Variants in ZNF185 observed in about 807,000 individuals in gnomAD.
ZNF185 encodes the protein zinc finger protein 185 with LIM domain.
ZNF185 carries 56 observed loss-of-function variants against 58.6 expected under a neutral mutation model. The observed-to-expected ratio is 0.95, with a 90% CI of 0.77 to 1.19. ZNF185 has a LOEUF of 1.19. ZNF185 is among the 50% of genes most tolerant of loss of function. ZNF185 has a pLI of 0.00. For synonymous variants in ZNF185, 230 were observed against 215.9 expected (o/e 1.07, Z -0.57); for missense variants, 627 against 573.5 (o/e 1.09, Z -0.95).
intron 17 of ZNF185, among the ~76,000 whole-genome samples, chrX:152,960,770 G>A (rs1442666222): frequency 8.9e-6 from 1 of 112,672 alleles, no homozygotes; most frequent in African/African-American, 3.2e-5. Flanking sequence ...GAAAACTGGA[G>A]TTGTTGAACT....
chrX:152,936,949 C>T (rs1556882371), intron 14 of ZNF185, among the ~76,000 whole-genome samples: 2 of 111,224 alleles, frequency 1.8e-5, no homozygotes, highest in Admixed American at 1.9e-4. Flanking sequence ...CTGGGATGGG[C>T]AAAAATGGCT....
At chrX:152,939,370 G>A (rs1021634870) in intron 15 of ZNF185, among the ~76,000 whole-genome samples, 1 of 112,091 alleles carries the variant, frequency 8.9e-6, no homozygotes, top group Non-Finnish European at 1.9e-5. Flanking sequence ...CCAGCAACTT[G>A]TGAGATGGGT....
Position 152,915,131 on chromosome X carries a change from C to G in ZNF185, c.159-7C>G. 8.3e-7 allele frequency: 1 copy of G among 1,209,443 alleles called. No homozygotes were observed. On this transcript the variant is annotated splice_polypyrimidine_tract_variant and splice_region_variant and intron_variant, in intron 2 of 22. Transcript: ENST00000449285. ...AGCCAATCCTTCAGGATGCCTCTTT[C>G]CCCCAGAGAGCTGCCCTCAGGCCGG... is the stretch of plus-strand genomic sequence containing the variant.
At chrX:152,913,867 AT>A (rs200526723), upstream of ZNF185, among the ~76,000 whole-genome samples, 3 of 109,694 alleles carry the variant, frequency 2.7e-5, no homozygotes, top group Middle Eastern at 9.4e-3. Flanking sequence ...GAAAGGTAGA[AT>A]TTTTTTTTTA....
Position 152,917,282 on chromosome X carries a change from C to T in ZNF185, c.264-3C>T. The T allele has an allele frequency of 8.3e-7, 1 of 1,211,632 alleles. No homozygotes were observed. The highest frequency in any genetic ancestry group is 1.1e-6 in the Non-Finnish European group (1 of 895,457). On this transcript the variant is annotated splice_region_variant and splice_polypyrimidine_tract_variant and intron_variant, in intron 4 of 22. Transcript: ENST00000449285. ...CACCGGCATCTCCTGGGCTCTCTTT[C>T]AGGGGAGTGTTCACCAAGCCCATAG...
chrX:152,947,059 T>G (rs1556895843), intron 16 of ZNF185, among the ~76,000 whole-genome samples: 2 of 111,998 alleles, frequency 1.8e-5, no homozygotes, highest in Non-Finnish European at 3.8e-5. Flanking sequence ...GGCAAGGTGA[T>G]GAGGCTGCAA....
In ZNF185 at chrX:152,936,662, C is replaced by T. The variant is rs1556882097; in HGVS notation, c.1122-1412C>T. 5 of 480,425 alleles carry T rather than the reference C, an allele frequency of 1.0e-5. No homozygotes were observed. In the East Asian group the frequency reaches 1.9e-4, roughly 18 times the overall value. 39.6% of individuals were successfully genotyped at this position (480,425 alleles called of 1,213,427 possible). ...CAGGTGATCACAGCAAGACAGGGAA[C>T]TCCAGGGGGAGCTCTGACCAGGGGC... On this transcript the variant is annotated intron_variant, in intron 14 of 22. Transcript: ENST00000449285.
chrX:152,941,932 T>C (rs1603274296), intron 15 of ZNF185: 1 of 1,018,916 alleles, frequency 9.8e-7, no homozygotes, highest in East Asian at 3.7e-5. Context: ...ACGGGGCCCC[T>C]GCGGCTTGAG....
At chrX:152,918,107 C>G in exon 6 of ZNF185, 2 of 1,196,471 alleles carry the variant, frequency 1.7e-6, no homozygotes, top group South Asian at 3.7e-5. Flanking sequence ...GTCCTCCCCG[C>G]CCCTCCTCCT....
At chrX:152,920,328 G>A (rs782675558) in exon 8 of ZNF185, 6 of 1,210,246 alleles carry the variant, frequency 5.0e-6, no homozygotes, top group Non-Finnish European at 6.7e-6. Context: ...GTCACCCCAG[G>A]TCAGAGGCTG....
chrX:152,937,932 C>G (rs1457115654), intron 14 of ZNF185, 142 bp from the exon 17 acceptor site: 12 of 530,963 alleles, frequency 2.3e-5, no homozygotes, highest in Non-Finnish European at 3.4e-5. Flanking sequence ...CGGTGCCACA[C>G]TAATGCCAGG....
At chrX:152,965,490 G>A (rs782724299) in exon 19 of ZNF185, 2 of 1,189,360 alleles carry the variant, frequency 1.7e-6, no homozygotes, top group South Asian at 3.7e-5. Flanking sequence ...TGCTAGTGAA[G>A]TGTCTTCTGG....
At chrX:152,917,439 G>C in intron 5 of ZNF185, 77 bp downstream of exon 6, 1 of 1,086,558 alleles carries the variant, frequency 9.2e-7, no homozygotes, top group Admixed American at 2.2e-5. Flanking sequence ...CAGAGACAGT[G>C]CTCTGCCTAT....
intron 12 of ZNF185, 92 bp downstream of exon 13, chrX:152,928,753 C>G (rs1556874892): frequency 8.5e-6 from 8 of 937,404 alleles, no homozygotes; most frequent in Non-Finnish European, 1.2e-5. Flanking sequence ...GGCCTAGGGC[C>G]GGCTCTGCCA....
At chrX:152,922,405 G>A in intron 10 of ZNF185, 149 bp downstream of exon 11, 1 of 599,601 alleles carries the variant, frequency 1.7e-6, no homozygotes, top group Middle Eastern at 5.2e-4. Flanking sequence ...AAAGAAATCA[G>A]TAAGAGCCCA....
the ZNF185 span, among the ~76,000 whole-genome samples, chrX:152,903,597 G>C: frequency 1.8e-5 from 2 of 109,637 alleles, no homozygotes; most frequent in Non-Finnish European, 3.8e-5. Context: ...CCTGGCTGCA[G>C]AGACAACTGC....
intron 15 of ZNF185, 25 bp downstream of exon 17, chrX:152,938,188 A>G: frequency 8.6e-7 from 1 of 1,158,915 alleles, no homozygotes. Flanking sequence ...GACAGTGCTG[A>G]ACTTCTGGGG....
At chrX:152,965,861 A>AT (rs1367501103) in intron 19 of ZNF185, among the ~76,000 whole-genome samples, 1 of 109,831 alleles carries the variant, frequency 9.1e-6, no homozygotes. Context: ...AGCTCATCCT[A>AT]TTTCTTTTCA....
At chrX:152,928,180 T>C (rs1941234601) in intron 11 of ZNF185, among the ~76,000 whole-genome samples, 2 of 111,946 alleles carry the variant, frequency 1.8e-5, no homozygotes, top group African/African-American at 6.5e-5. Flanking sequence ...TTTCTCAGTC[T>C]CTCGTACCCC....
Sources: allele counts gnomAD v4.1 joint callset (sites outside exome capture counted in the v4.1 genomes callset), GRCh38; gene constraint gnomAD v4.1.1; transcripts MANE v1.5; gene names NCBI Gene and HGNC (gene_info 2026-07-23, HGNC 2026-07-21).